The following GRM1 variants were observed in gnomAD, a reference collection of about 807,000 sequenced individuals.
The protein encoded by GRM1 is metabotropic glutamate receptor 1.
In GRM1, 33 loss-of-function variants were observed where a neutral mutation model predicts 90.9. The observed-to-expected ratio is 0.36, with a 90% CI of 0.28 to 0.49. GRM1 has a LOEUF of 0.49. GRM1 is among the 20% of genes least tolerant of loss of function. The pLI, the probability that GRM1 is intolerant of heterozygous loss-of-function variation, is 0.99. For missense variants in GRM1, 1,190 were observed against 1,534.3 expected (o/e 0.78, Z 3.75); for synonymous variants, 700 against 613.2 (o/e 1.14, Z -2.09).
chr6:146,124,283 A>G (rs1776111811), intron 1 of GRM1, among the ~76,000 whole-genome samples: 1 of 152,198 alleles, frequency 6.6e-6, no homozygotes, highest in South Asian at 2.1e-4. Flanking sequence ...AACTTAAACT[A>G]CTAAGTTTTA....
chr6:146,034,241 T>C (rs1028266451), intron 1 of GRM1, among the ~76,000 whole-genome samples: 37 of 152,060 alleles, frequency 2.4e-4, no homozygotes, highest in African/African-American at 8.7e-4. Flanking sequence ...CAATCCTTCA[T>C]TGAAGACTAG....
intron 1 of GRM1, among the ~76,000 whole-genome samples, chr6:146,125,751 GT>G (rs926111288): frequency 1.3e-5 from 2 of 151,506 alleles, no homozygotes; most frequent in South Asian, 2.1e-4. Flanking sequence ...GCTTGCATGT[GT>G]TTTTTTTCTA....
chr6:146,088,197 G>A (rs1405556796), intron 1 of GRM1, among the ~76,000 whole-genome samples: 1 of 152,068 alleles, frequency 6.6e-6, no homozygotes, highest in Non-Finnish European at 1.5e-5. Flanking sequence ...GTGATAGTGA[G>A]CATCTTTCCC....
chr6:146,372,327 A>G (rs767307528), intron 5 of GRM1, among the ~76,000 whole-genome samples: 1 of 151,914 alleles, frequency 6.6e-6, no homozygotes, highest in Non-Finnish European at 1.5e-5. Context: ...TTTTTCCTAT[A>G]GAGTTATTTG....
intron 5 of GRM1, among the ~76,000 whole-genome samples, chr6:146,366,977 G>A (rs571008529): frequency 6.6e-6 from 1 of 152,200 alleles, no homozygotes; most frequent in African/African-American, 2.4e-5. Flanking sequence ...TCTTTGCCGA[G>A]ACCAATGTCT....
intron 1 of GRM1, among the ~76,000 whole-genome samples, chr6:146,154,136 T>C (rs1186152129): frequency 2.0e-5 from 3 of 152,244 alleles, no homozygotes; most frequent in Non-Finnish European, 4.4e-5. Context: ...AAGAGCATTC[T>C]TGTTCGTTTA....
At chr6:146,141,915 T>A (rs1348651126) in intron 1 of GRM1, among the ~76,000 whole-genome samples, 1 of 152,174 alleles carries the variant, frequency 6.6e-6, no homozygotes, top group African/African-American at 2.4e-5. Flanking sequence ...TTTGGTGAGG[T>A]TATGTTTTCC....
At chr6:146,033,942 C>A (rs1790795579) in intron 1 of GRM1, among the ~76,000 whole-genome samples, 1 of 151,998 alleles carries the variant, frequency 6.6e-6, no homozygotes, top group Admixed American at 6.6e-5. Context: ...TTCTATATAT[C>A]TTTCTTGTCT....
At chr6:146,210,711 G>A (rs1241319909) in intron 2 of GRM1, among the ~76,000 whole-genome samples, 1 of 152,128 alleles carries the variant, frequency 6.6e-6, no homozygotes. Flanking sequence ...CCCAATGTTA[G>A]CAAAAGTATT....
intron 1 of GRM1, among the ~76,000 whole-genome samples, chr6:146,128,443 T>A (rs1435875332): frequency 6.6e-6 from 1 of 152,160 alleles, no homozygotes; most frequent in Non-Finnish European, 1.5e-5. Context: ...CATCTCTATT[T>A]TTGAGATAAG....
chr6:146,104,955 G>C (rs1003754162), intron 1 of GRM1, among the ~76,000 whole-genome samples: 2 of 152,174 alleles, frequency 1.3e-5, no homozygotes, highest in African/African-American at 2.4e-5. Context: ...GAGAGAGGGG[G>C]TAATGATCTG....
At chr6:146,124,880 AT>A (rs1314536409) in intron 1 of GRM1, among the ~76,000 whole-genome samples, 1 of 152,142 alleles carries the variant, frequency 6.6e-6, no homozygotes, top group Non-Finnish European at 1.5e-5. Flanking sequence ...GGAGAGAAAC[AT>A]TGCTTAGGTT....
At chr6:146,176,222 T>A (rs920330306) in intron 2 of GRM1, among the ~76,000 whole-genome samples, 1 of 151,986 alleles carries the variant, frequency 6.6e-6, no homozygotes, top group Non-Finnish European at 1.5e-5. Flanking sequence ...TAAAATAGAT[T>A]TCTCTAGGTG....
intron 1 of GRM1, among the ~76,000 whole-genome samples, chr6:146,058,633 G>A (rs545148171): frequency 7.2e-5 from 11 of 152,148 alleles, no homozygotes; most frequent in Non-Finnish European, 1.2e-4. Context: ...CAATTGATTC[G>A]TCTTTTCATT....
intron 7 of GRM1, among the ~76,000 whole-genome samples, chr6:146,404,048 A>G (rs1252763463): frequency 6.6e-6 from 1 of 152,084 alleles, no homozygotes; most frequent in Non-Finnish European, 1.5e-5. Context: ...GAAAGAACTC[A>G]TTTACTATTC....
chr6:146,368,583 G>T (rs1158649619), intron 5 of GRM1, among the ~76,000 whole-genome samples: 1 of 151,928 alleles, frequency 6.6e-6, no homozygotes, highest in African/African-American at 2.4e-5. Flanking sequence ...TTATTATTAA[G>T]TGATGTTGAA....
At chr6:146,175,290 A>G (rs894566781) in intron 2 of GRM1, among the ~76,000 whole-genome samples, 1 of 150,390 alleles carries the variant, frequency 6.6e-6, no homozygotes, top group African/African-American at 2.5e-5. Context: ...CTATTATTCT[A>G]ATGAGGTTAA....
chr6:146,296,678 T>C (rs907970300), intron 2 of GRM1, among the ~76,000 whole-genome samples: 15 of 152,350 alleles, frequency 9.8e-5, no homozygotes, highest in African/African-American at 3.4e-4. Context: ...GGATTTTCAA[T>C]AATGTTAGAT....
chr6:146,273,377 T>A (rs952986202), intron 2 of GRM1, among the ~76,000 whole-genome samples: 3 of 152,166 alleles, frequency 2.0e-5, no homozygotes, highest in Admixed American at 6.6e-5. Flanking sequence ...AACCCACAGC[T>A]TTTATTATGT....
Sources: gnomAD v4.1 joint callset for allele counts (sites outside exome capture counted in the v4.1 genomes callset) on GRCh38, gnomAD v4.1.1 for gene constraint, MANE v1.5 for transcripts, NCBI Gene and HGNC (gene_info 2026-07-23, HGNC 2026-07-21) for gene names.